Variants in LRFN5 observed in about 807,000 individuals in gnomAD.
The protein encoded by LRFN5 is leucine-rich repeat and fibronectin type-III domain-containing protein 5.
Under a neutral mutation model 45.6 loss-of-function variants are expected in LRFN5, and 24 were observed. The observed-to-expected ratio is 0.53, with a 90% CI of 0.38 to 0.74. LRFN5 has a LOEUF of 0.74. Among genes scored for constraint, LRFN5 ranks in the 30% least tolerant of loss-of-function variants. The pLI is 0.00. For synonymous variants in LRFN5, 340 were observed against 313.8 expected, an observed-to-expected ratio of 1.08 and a Z score of -0.88; for missense variants, 776 against 861.5, an observed-to-expected ratio of 0.90 and a Z score of 1.24.
chr14:41,760,247 T>TAAAC (rs1376160756), intron 1 of LRFN5, among the ~76,000 whole-genome samples: 1 of 152,140 alleles, frequency 6.6e-6, no homozygotes, highest in African/African-American at 2.4e-5. Flanking sequence ...AATAAATAAA[T>TAAAC]AAACATTTAT....
chr14:41,782,840 T>C (rs1886577684), intron 2 of LRFN5, among the ~76,000 whole-genome samples: 1 of 152,172 alleles, frequency 6.6e-6, no homozygotes, highest in South Asian at 2.1e-4. Context: ...TCACTCTTAT[T>C]ACATTGGAGC....
intron 2 of LRFN5, among the ~76,000 whole-genome samples, chr14:41,881,470 A>G (rs1890378519): frequency 6.6e-6 from 1 of 151,568 alleles, no homozygotes; most frequent in Non-Finnish European, 1.5e-5. Flanking sequence ...CTTTATCTTT[A>G]TATTTAGTTT....
intron 1 of LRFN5, among the ~76,000 whole-genome samples, chr14:41,690,972 A>G (rs747156794): frequency 7.9e-5 from 12 of 151,986 alleles, no homozygotes; most frequent in Non-Finnish European, 1.0e-4. Context: ...TTCATTCCTG[A>G]CACAGAATAA....
chr14:41,650,632 T>C (rs1450043343), intron 1 of LRFN5, among the ~76,000 whole-genome samples: 1 of 152,122 alleles, frequency 6.6e-6, no homozygotes, highest in Non-Finnish European at 1.5e-5. Flanking sequence ...GAATAATCTC[T>C]TTTAAGGAAA....
chr14:41,894,583 G>T, intron 4 of LRFN5: 3 of 973,448 alleles, frequency 3.1e-6, no homozygotes, highest in Non-Finnish European at 3.7e-6. Flanking sequence ...AAATTTTTTT[G>T]TATTTGTTTA....
rs140182537 is a variant in LRFN5 at position 41,744,184 on chromosome 14, A to T, written c.-196-22670A>T. Reference sequence around the variant, plus strand: ...ACCAAGGCAACATGGCAAAAATCTCATCTCTAGAAAAAATACAAAATTTAA... The same window carrying T: ...ACCAAGGCAACATGGCAAAAATCTCTTCTCTAGAAAAAATACAAAATTTAA... On this transcript the variant is annotated intron_variant, in intron 1 of 5. Coordinates refer to ENST00000298119, the MANE Select transcript of LRFN5 (RefSeq NM_152447.5). Among the ~76,000 whole-genome samples the T allele has an allele frequency of 9.1e-3, 1,379 of 151,972 alleles. 8 individuals carry two copies. The highest frequency in any genetic ancestry group is 0.014 in the Non-Finnish European group (925 of 67,936).
intron 1 of LRFN5, among the ~76,000 whole-genome samples, chr14:41,708,054 A>G (rs1423160579): frequency 6.6e-6 from 1 of 152,036 alleles, no homozygotes; most frequent in Non-Finnish European, 1.5e-5. Context: ...AATTATCAAA[A>G]CCAATTTTTG....
At chr14:41,716,280 T>A (rs73305556) in intron 1 of LRFN5, among the ~76,000 whole-genome samples, 6,821 of 152,270 alleles carry the variant, frequency 0.045, 341 homozygotes, top group African/African-American at 0.12. Context: ...GGCTCCTTGT[T>A]ACTTATACAA....
intron 5 of LRFN5, among the ~76,000 whole-genome samples, chr14:41,903,535 T>G (rs1891161130): frequency 6.6e-6 from 1 of 151,484 alleles, no homozygotes; most frequent in Admixed American, 6.6e-5. Context: ...AAAAATATTT[T>G]CACAGTTTTA....
intron 1 of LRFN5, among the ~76,000 whole-genome samples, chr14:41,745,903 G>T (rs181734141): frequency 6.6e-6 from 1 of 152,078 alleles, no homozygotes; most frequent in African/African-American, 2.4e-5. Context: ...AAAAGCCCTG[G>T]ATCTGATGGC....
intron 2 of LRFN5, among the ~76,000 whole-genome samples, chr14:41,829,471 G>A (rs552892092): frequency 2.0e-5 from 3 of 151,910 alleles, no homozygotes; most frequent in East Asian, 3.9e-4. Context: ...ACAAATTGTC[G>A]ACACTGTCTG....
intron 1 of LRFN5, among the ~76,000 whole-genome samples, chr14:41,747,336 CAT>C (rs3032232): frequency 0.42 from 63,107 of 151,530 alleles, 13,831 homozygotes; most frequent in East Asian, 0.74. Context: ...TAAAAACAAA[CAT>C]ATATACCTAT....
At chr14:41,885,742 C>T (rs1890545021) in intron 2 of LRFN5, among the ~76,000 whole-genome samples, 1 of 152,012 alleles carries the variant, frequency 6.6e-6, no homozygotes, top group African/African-American at 2.4e-5. Context: ...ATTGGCCGGG[C>T]ACAGTGGCTC....
At chr14:41,714,042 C>T (rs938700996) in intron 1 of LRFN5, among the ~76,000 whole-genome samples, 1 of 152,012 alleles carries the variant, frequency 6.6e-6, no homozygotes, top group Non-Finnish European at 1.5e-5. Flanking sequence ...TGAAACATAA[C>T]TACATGCATA....
intron 1 of LRFN5, among the ~76,000 whole-genome samples, chr14:41,727,544 T>C (rs1352244549): frequency 2.6e-5 from 4 of 152,162 alleles, no homozygotes; most frequent in Non-Finnish European, 4.4e-5. Flanking sequence ...GAGGATTGCT[T>C]GAGCCTAAGA....
chr14:41,835,400 G>A (rs961084766), intron 2 of LRFN5, among the ~76,000 whole-genome samples: 1 of 152,160 alleles, frequency 6.6e-6, no homozygotes, highest in Non-Finnish European at 1.5e-5. Flanking sequence ...TAAACCTTTG[G>A]TCTGAACAAT....
chr14:41,741,915 A>G (rs1236383436), intron 1 of LRFN5, among the ~76,000 whole-genome samples: 1 of 151,754 alleles, frequency 6.6e-6, no homozygotes, highest in African/African-American at 2.4e-5. Flanking sequence ...ATATGAAAAA[A>G]TCCTCAATGT....
intron 1 of LRFN5, among the ~76,000 whole-genome samples, chr14:41,648,978 T>C (rs1879952634): frequency 6.6e-6 from 1 of 152,178 alleles, no homozygotes; most frequent in South Asian, 2.1e-4. Flanking sequence ...TTTAAAGAAG[T>C]AAGCACCAGG....
At chr14:41,773,214 A>G (rs1027719931) in intron 2 of LRFN5, among the ~76,000 whole-genome samples, 10 of 152,124 alleles carry the variant, frequency 6.6e-5, no homozygotes, top group African/African-American at 2.4e-4. Flanking sequence ...GTTCTTGTTC[A>G]TATAATGTCA....
Sources: gnomAD v4.1 joint callset for allele counts (sites outside exome capture counted in the v4.1 genomes callset) on GRCh38, gnomAD v4.1.1 for gene constraint, MANE v1.5 for transcripts, NCBI Gene and HGNC (gene_info 2026-07-23, HGNC 2026-07-21) for gene names.